OSBPL1A: variants seen among roughly 807,000 people sequenced by gnomAD.
The protein encoded by OSBPL1A is oxysterol-binding protein-related protein 1.
In OSBPL1A, 80 loss-of-function variants were observed where a neutral mutation model predicts 137.1. The ratio of observed to expected loss-of-function variants is 0.58; its 90% confidence interval spans 0.49 to 0.70. OSBPL1A has a LOEUF of 0.70. OSBPL1A is among the 30% of genes least tolerant of loss of function. OSBPL1A has a pLI of 0.00. For synonymous variants in OSBPL1A, 365 were observed against 389.7 expected (o/e 0.94, Z 0.75); for missense variants, 970 against 1,129.4 (o/e 0.86, Z 2.02).
chr18:24,276,837 C>T (rs1380597204), intron 15 of OSBPL1A, among the ~76,000 whole-genome samples: 1 of 152,144 alleles, frequency 6.6e-6, no homozygotes, highest in Non-Finnish European at 1.5e-5. Flanking sequence ...TAGATCATAT[C>T]AGTACATCCT....
chr18:24,356,621 T>A (rs1183944834), intron 4 of OSBPL1A, among the ~76,000 whole-genome samples: 1 of 152,184 alleles, frequency 6.6e-6, no homozygotes, highest in African/African-American at 2.4e-5. Flanking sequence ...ACACACTTAG[T>A]TGTTGGTACA....
At chr18:24,361,370 T>C (rs576849496) in intron 4 of OSBPL1A, among the ~76,000 whole-genome samples, 5 of 152,348 alleles carry the variant, frequency 3.3e-5, no homozygotes, top group Middle Eastern at 3.4e-3. Context: ...GGAACTTAAC[T>C]CTTGTTTATA....
At chr18:24,276,228 A>G (rs2089843369) in intron 15 of OSBPL1A, among the ~76,000 whole-genome samples, 1 of 152,336 alleles carries the variant, frequency 6.6e-6, no homozygotes, top group South Asian at 2.1e-4. Flanking sequence ...GGAAAACTAC[A>G]GAAACAAATA....
At chr18:24,235,597 G>A (rs2088444334) in intron 16 of OSBPL1A, among the ~76,000 whole-genome samples, 1 of 152,224 alleles carries the variant, frequency 6.6e-6, no homozygotes, top group South Asian at 2.1e-4. Context: ...GGCTTTAGGA[G>A]ATGAAGAGGT....
intron 15 of OSBPL1A, among the ~76,000 whole-genome samples, chr18:24,240,952 A>C (rs2088670578): frequency 6.6e-6 from 1 of 152,200 alleles, no homozygotes; most frequent in South Asian, 2.1e-4. Context: ...AACACAACAG[A>C]GGCCTGAGAA....
Position 24,167,322 on chromosome 18 carries a change from G to A in OSBPL1A, c.2535+7C>T, listed in dbSNP as rs750387618. 1.3e-5 allele frequency: 21 copies of A among 1,611,694 alleles called. No homozygotes were observed. Among genetic ancestry groups the A allele is most frequent in the Admixed American group, 3.3e-5 (2 of 60,006 alleles). ...AGTGAGGCCACAGCCAGCAAGCCCA[G>A]TCTCACCTGGGCAGAATTTGGAGGC... On this transcript the variant is annotated splice_region_variant and intron_variant, in intron 25 of 27. Transcript: ENST00000319481.
chr18:24,284,269 G>T (rs2090024833), intron 14 of OSBPL1A, among the ~76,000 whole-genome samples: 2 of 152,040 alleles, frequency 1.3e-5, no homozygotes, highest in African/African-American at 4.8e-5. Context: ...GTGACCAACT[G>T]GGAATCACTG....
intron 17 of OSBPL1A, among the ~76,000 whole-genome samples, chr18:24,197,788 T>C (rs2087079746): frequency 7.2e-6 from 1 of 138,052 alleles, no homozygotes; most frequent in African/African-American, 2.8e-5. Flanking sequence ...TTTCTTTTCT[T>C]TTTTTTTTTT....
chr18:24,237,938 T>C (rs1420527331), intron 16 of OSBPL1A, among the ~76,000 whole-genome samples: 1 of 152,224 alleles, frequency 6.6e-6, no homozygotes, highest in Non-Finnish European at 1.5e-5. Flanking sequence ...CCCGTCATCA[T>C]TATAATCTTC....
chr18:24,197,953 A>AT (rs1183422985), intron 17 of OSBPL1A, among the ~76,000 whole-genome samples: 1 of 151,556 alleles, frequency 6.6e-6, no homozygotes, highest in Admixed American at 6.6e-5. Context: ...TGCCCGGCTA[A>AT]TTTTTTGTAT....
chr18:24,394,180 T>C (rs1907568108), intron 1 of OSBPL1A, among the ~76,000 whole-genome samples: 1 of 152,196 alleles, frequency 6.6e-6, no homozygotes, highest in African/African-American at 2.4e-5. Flanking sequence ...CAAATTATTA[T>C]TTACTTTATA....
At chr18:24,211,159 G>T (rs2847598) in intron 17 of OSBPL1A, among the ~76,000 whole-genome samples, 1 of 151,996 alleles carries the variant, frequency 6.6e-6, no homozygotes, top group Non-Finnish European at 1.5e-5. Context: ...TAGAGACAGG[G>T]TTTCACCAGG....
intron 17 of OSBPL1A, among the ~76,000 whole-genome samples, chr18:24,205,737 G>C (rs374344675): frequency 4.6e-5 from 7 of 152,240 alleles, no homozygotes; most frequent in Admixed American, 6.5e-5. Flanking sequence ...AGTTTCAAAA[G>C]ATGATCTAAA....
At chr18:24,302,774 T>TA in intron 14 of OSBPL1A, 1 of 152,058 alleles carries the variant, frequency 6.6e-6, no homozygotes. Context: ...AATGAAGACA[T>TA]AAAAAGTTAT....
rs748018079 is a variant in OSBPL1A at position 24,377,378 on chromosome 18, A to G, written c.121+35T>C. On this transcript the variant is annotated intron_variant, in intron 2 of 27. Transcript: ENST00000319481. ...TAAATGCTAAGAGTAGTGCAGACTC[A>G]TAAGAGAAAGCTACAAAATCCATTC... 4 of 1,588,710 alleles carry G rather than the reference A, an allele frequency of 2.5e-6. No homozygotes were observed. The Admixed American group carries it at 5.6e-5, about 22-fold the overall frequency.
chr18:24,273,947 A>C (rs1479520088), intron 15 of OSBPL1A, among the ~76,000 whole-genome samples: 1 of 152,052 alleles, frequency 6.6e-6, no homozygotes, highest in East Asian at 1.9e-4. Flanking sequence ...TAAAAAACCA[A>C]ATTGAACCGG....
chr18:24,179,968 A>G (rs1168597154), intron 19 of OSBPL1A, 133 bp from the exon 20 acceptor site: 2 of 696,790 alleles, frequency 2.9e-6, no homozygotes, highest in Non-Finnish European at 2.5e-6. Context: ...GAGTTTTAAT[A>G]TGGCTCTAGC....
At chr18:24,332,812 G>T in intron 7 of OSBPL1A, 130 bp downstream of exon 7, 2 of 1,122,638 alleles carry the variant, frequency 1.8e-6, no homozygotes, top group Non-Finnish European at 1.3e-6. Flanking sequence ...TGAATGCCTT[G>T]GCTCCAAAAT....
At chr18:24,235,801 G>A (rs1401662503) in intron 16 of OSBPL1A, among the ~76,000 whole-genome samples, 2 of 152,186 alleles carry the variant, frequency 1.3e-5, no homozygotes, top group African/African-American at 4.8e-5. Context: ...CTTATCTCTG[G>A]AACCTGTGAA....
Sources: gnomAD v4.1 joint callset for allele counts (sites outside exome capture counted in the v4.1 genomes callset) on GRCh38, gnomAD v4.1.1 for gene constraint, MANE v1.5 for transcripts, NCBI Gene and HGNC (gene_info 2026-07-23, HGNC 2026-07-21) for gene names.